The following BUD31 variants were observed in gnomAD, a reference collection of about 807,000 sequenced individuals.
BUD31 encodes BUD31 spliceosome associated protein, also known as protein BUD31 homolog.
A neutral mutation model predicts 17.9 loss-of-function variants in BUD31; 9 were observed. The observed-to-expected ratio is 0.50, with a 90% CI of 0.30 to 0.88. The LOEUF (loss-of-function observed/expected upper bound fraction) is 0.88, where lower values mean the gene tolerates loss of function less well. Ranked by LOEUF, BUD31 falls within the 40% of genes least tolerant of loss-of-function variation. BUD31 has a pLI of 0.06. For missense variants in BUD31, 148 were observed against 184.5 expected, an observed-to-expected ratio of 0.80 and a Z score of 1.15; for synonymous variants, 70 against 64.7, an observed-to-expected ratio of 1.08 and a Z score of -0.39.
At position 99,419,496 on chromosome 7, in the gene BUD31, C is replaced by T; in HGVS notation, c.*55C>T. 3 of 1,596,974 alleles carry T rather than the reference C, an allele frequency of 1.9e-6. No individual in the cohort carries two copies. In the East Asian group the frequency reaches 6.7e-5, roughly 36 times the overall value. ...CTTCGCAGGTTCCTGCCTGTCACGC[C>T]ACCCCCTTCCTGGGAGCAGCGAGCA... On this transcript the variant is annotated 3_prime_UTR_variant, in exon 6 of 6. Transcript: ENST00000222969.
intron 3 of BUD31, among the ~76,000 whole-genome samples, chr7:99,414,139 TTTTTTTA>T (rs889033399): frequency 1.4e-5 from 2 of 148,102 alleles, no homozygotes; most frequent in Non-Finnish European, 3.0e-5. Context: ...TTATTTTTTA[TTTTTTTA>T]TTTTTTTTTT....
intron 3 of BUD31, among the ~76,000 whole-genome samples, chr7:99,412,792 T>A (rs890637021): frequency 6.6e-6 from 1 of 150,586 alleles, no homozygotes; most frequent in Non-Finnish European, 1.5e-5. Context: ...TTTTTTTTTT[T>A]TTGTATTTTT....
intron 3 of BUD31, among the ~76,000 whole-genome samples, chr7:99,413,968 C>T (rs541009352): frequency 1.3e-5 from 2 of 152,196 alleles, no homozygotes; most frequent in African/African-American, 4.8e-5. Flanking sequence ...ATTAAAAAGA[C>T]TTTTTTTCTT....
At position 99,411,060 on chromosome 7, in the gene BUD31, C is replaced by A. The variant is rs1465823267; in HGVS notation, c.-29-4C>A. Reference sequence around the variant, plus strand: ...TCAGAAACCAATTCATTTTTTTCCCCCAGATCTTTGCAGATTATCCTGTGG... The same window carrying A: ...TCAGAAACCAATTCATTTTTTTCCCACAGATCTTTGCAGATTATCCTGTGG... On this transcript the variant is annotated splice_region_variant and splice_polypyrimidine_tract_variant and intron_variant, in intron 2 of 5. Coordinates refer to ENST00000222969, the MANE Select transcript of BUD31 (RefSeq NM_003910.4). The A allele has an allele frequency of 1.3e-6, 2 of 1,583,592 alleles. No individual in the cohort carries two copies. Among genetic ancestry groups the A allele is most frequent in the South Asian group, 2.2e-5 (2 of 89,648 alleles).
chr7:99,416,780 GTGCAATGATGGCTCAC>G (rs1334906771), intron 4 of BUD31: 1 of 155,652 alleles, frequency 6.4e-6, no homozygotes, highest in Non-Finnish European at 1.4e-5. Flanking sequence ...GAGTGCAGTG[GTGCAATGATGGCTCAC>G]TGCAGCCTCA....
intron 5 of BUD31, chr7:99,418,125 G>A (rs570022633): frequency 4.9e-5 from 16 of 325,586 alleles, no homozygotes; most frequent in East Asian, 1.5e-4. Context: ...GCACCACCAC[G>A]CCTGGCTAAT....
chr7:99,411,387 G>GTT, intron 3 of BUD31: 2 of 499,304 alleles, frequency 4.0e-6, no homozygotes. Context: ...CAGAAAAGGT[G>GTT]TTTTTTTTTG....
intron 3 of BUD31, among the ~76,000 whole-genome samples, chr7:99,412,296 T>C (rs1795223311): frequency 6.6e-6 from 1 of 152,224 alleles, no homozygotes; most frequent in African/African-American, 2.4e-5. Flanking sequence ...CATGCTGGAA[T>C]AGAAGAGATT....
rs548346307 is a variant in BUD31 at position 99,419,602 on chromosome 7, C to G, written c.*161C>G. ...CAGCTGTGATTTGTAAAAATAAAAT[C>G]TTTAAATCTCTCGAGCCCCACGTCT... On this transcript the variant is annotated 3_prime_UTR_variant, in exon 6 of 6. Coordinates refer to ENST00000222969, the MANE Select transcript of BUD31 (RefSeq NM_003910.4). 4.6e-6 allele frequency: 4 copies of G among 877,334 alleles called. No homozygotes were observed. In the East Asian group the frequency reaches 1.1e-4, roughly 23 times the overall value. The allele number at this position is 877,334 out of a possible 1,614,324, so 54.3% of individuals were successfully genotyped here.
intron 3 of BUD31, chr7:99,415,211 T>C (rs942910006): frequency 4.4e-6 from 2 of 454,780 alleles, no homozygotes; most frequent in Non-Finnish European, 8.9e-6. Context: ...CACTGATATT[T>C]ATTGGATACA....
At chr7:99,409,758 G>A (rs1410231227) in intron 1 of BUD31, among the ~76,000 whole-genome samples, 1 of 130,576 alleles carries the variant, frequency 7.7e-6, no homozygotes, top group Non-Finnish European at 1.6e-5. Context: ...CATGAGAGGA[G>A]GCTCTGTGGG....
chr7:99,417,643 GC>G (rs1795578182), intron 5 of BUD31, 48 bp downstream of exon 5: 2 of 1,602,132 alleles, frequency 1.2e-6, no homozygotes, highest in African/African-American at 2.7e-5. Flanking sequence ...TCAAAATTCT[GC>G]CTTAGTCGAC....
intron 3 of BUD31, chr7:99,415,395 T>C (rs2150927991): frequency 2.5e-6 from 1 of 403,280 alleles, no homozygotes; most frequent in East Asian, 7.2e-5. Context: ...TTCACTAATT[T>C]GCTATTGTTA....
chr7:99,419,500 C>A lies in BUD31; in HGVS notation c.*59C>A, dbSNP rs75129535. ...GCAGGTTCCTGCCTGTCACGCCACC[C>A]CCTTCCTGGGAGCAGCGAGCAGTGC... On this transcript the variant is annotated 3_prime_UTR_variant, in exon 6 of 6. Coordinates refer to ENST00000222969, the MANE Select transcript of BUD31 (RefSeq NM_003910.4). 2.0e-3 allele frequency: 3,129 copies of A among 1,594,644 alleles called. 1 individual carries two copies. Among genetic ancestry groups the A allele is most frequent in the Non-Finnish European group, 2.5e-3 (2,879 of 1,169,828 alleles).
intron 1 of BUD31, among the ~76,000 whole-genome samples, chr7:99,409,668 T>G (rs549568532): frequency 1.3e-5 from 2 of 151,616 alleles, no homozygotes; most frequent in South Asian, 4.2e-4. Context: ...AGAGTCAGGT[T>G]TTGCAAATTC....
At chr7:99,415,344 G>A (rs544968326) in intron 3 of BUD31, 7 of 432,514 alleles carry the variant, frequency 1.6e-5, no homozygotes, top group Non-Finnish European at 2.7e-5. Flanking sequence ...GAGAGAGACA[G>A]CTTATGCCAT....
At chr7:99,415,907 AATC>A (rs977616103) in intron 3 of BUD31, among the ~76,000 whole-genome samples, 1 of 152,280 alleles carries the variant, frequency 6.6e-6, no homozygotes, top group African/African-American at 2.4e-5. Flanking sequence ...ATTCATATAT[AATC>A]ATATCTAAGA....
intron 5 of BUD31, 128 bp from the exon 6 acceptor site, chr7:99,419,262 GA>G: frequency 8.6e-7 from 1 of 1,161,458 alleles, no homozygotes; most frequent in Non-Finnish European, 1.3e-6. Context: ...AGCTGTCAAG[GA>G]AGGGTTTCTG....
At chr7:99,409,914 C>A (rs1051765533) in intron 1 of BUD31, 120 bp from the exon 2 acceptor site, 23 of 152,154 alleles carry the variant, frequency 1.5e-4, no homozygotes, top group African/African-American at 5.5e-4. Flanking sequence ...GTTTGAAAAA[C>A]GCTTTGCTAT....
Sources: allele counts gnomAD v4.1 joint callset (sites outside exome capture counted in the v4.1 genomes callset), GRCh38; gene constraint gnomAD v4.1.1; transcripts MANE v1.5; gene names NCBI Gene and HGNC (gene_info 2026-07-23, HGNC 2026-07-21).